The following CASK variants were observed in gnomAD, a reference collection of about 807,000 sequenced individuals.
CASK encodes peripheral plasma membrane protein CASK.
CASK carries 4 observed loss-of-function variants against 82.9 expected under a neutral mutation model. The ratio of observed to expected loss-of-function variants is 0.05; its 90% confidence interval spans 0.02 to 0.11. The LOEUF (loss-of-function observed/expected upper bound fraction) is 0.11. CASK is among the 10% of genes least tolerant of loss of function. CASK has a pLI of 1.00. For missense variants in CASK, 358 were observed against 720.9 expected (o/e 0.50, Z 5.76); for synonymous variants, 259 against 253.5 (o/e 1.02, Z -0.20).
chrX:41,871,049 G>T (rs1180035371), intron 1 of CASK, among the ~76,000 whole-genome samples: 2 of 111,883 alleles, frequency 1.8e-5, no homozygotes, highest in Admixed American at 9.5e-5. Context: ...AGGTTGTAGG[G>T]AAGAATCCAC....
intron 11 of CASK, among the ~76,000 whole-genome samples, chrX:41,612,276 C>T (rs1232116617): frequency 6.4e-5 from 7 of 109,603 alleles, no homozygotes; most frequent in Non-Finnish European, 1.3e-4. Flanking sequence ...CCTGGCCGCC[C>T]ATCGTCTGAG....
At chrX:41,536,736 C>G (rs773415634) in intron 22 of CASK, among the ~76,000 whole-genome samples, 5 of 111,813 alleles carry the variant, frequency 4.5e-5, no homozygotes, top group Non-Finnish European at 7.5e-5. Context: ...CTAGCAATAG[C>G]TAAAAACCAA....
intron 5 of CASK, among the ~76,000 whole-genome samples, chrX:41,707,929 C>T (rs1227110651): frequency 9.0e-6 from 1 of 110,807 alleles, no homozygotes; most frequent in East Asian, 2.8e-4. Flanking sequence ...ACCATCCTGG[C>T]CAATATGGTG....
intron 11 of CASK, among the ~76,000 whole-genome samples, chrX:41,610,733 C>T (rs2066031790): frequency 9.0e-6 from 1 of 111,557 alleles, no homozygotes; most frequent in South Asian, 3.8e-4. Flanking sequence ...AATGGAAGTG[C>T]CATCACTTTA....
At chrX:41,529,038 C>A (rs1054084543) in intron 25 of CASK, among the ~76,000 whole-genome samples, 2 of 112,498 alleles carry the variant, frequency 1.8e-5, no homozygotes, top group Admixed American at 1.9e-4. Flanking sequence ...AGGACCTGGG[C>A]AATCCCTATC....
intron 22 of CASK, among the ~76,000 whole-genome samples, chrX:41,538,625 G>A (rs2064907335): frequency 8.9e-6 from 1 of 111,894 alleles, no homozygotes. Flanking sequence ...ATACTGTCTA[G>A]CATAGTTTGC....
intron 1 of CASK, among the ~76,000 whole-genome samples, chrX:41,865,085 T>C (rs2071566936): frequency 8.9e-6 from 1 of 112,066 alleles, no homozygotes; most frequent in Non-Finnish European, 1.9e-5. Flanking sequence ...GGGGAATTTT[T>C]CAAGTTAGGT....
intron 12 of CASK, among the ~76,000 whole-genome samples, chrX:41,594,112 C>T (rs2065783688): frequency 9.0e-6 from 1 of 111,680 alleles, no homozygotes; most frequent in Admixed American, 9.5e-5. Context: ...AGCTAAAGCC[C>T]AAAGCTAAGG....
At chrX:41,675,962 T>C (rs1015155699) in intron 5 of CASK, 4 of 1,206,704 alleles carry the variant, frequency 3.3e-6, no homozygotes, top group East Asian at 5.9e-5. Flanking sequence ...AATCTCATAA[T>C]AGAACACAGA....
intron 16 of CASK, among the ~76,000 whole-genome samples, chrX:41,564,835 T>C (rs975757034): frequency 1.8e-5 from 2 of 111,470 alleles, no homozygotes; most frequent in African/African-American, 6.5e-5. Context: ...TAATTGGAAG[T>C]AAAGCACTCC....
intron 2 of CASK, among the ~76,000 whole-genome samples, chrX:41,808,524 G>A (rs1285891553): frequency 8.9e-6 from 1 of 112,303 alleles, no homozygotes; most frequent in Admixed American, 9.4e-5. Context: ...CTATTTGAAA[G>A]TAATATCATT....
intron 3 of CASK, among the ~76,000 whole-genome samples, chrX:41,762,896 T>C (rs767381122): frequency 9.0e-6 from 1 of 111,011 alleles, no homozygotes; most frequent in African/African-American, 3.3e-5. Context: ...ATATAGTCGA[T>C]TTGCCATCTA....
At chrX:41,862,616 G>A (rs1164003092) in intron 1 of CASK, among the ~76,000 whole-genome samples, 1 of 109,153 alleles carries the variant, frequency 9.2e-6, no homozygotes, top group African/African-American at 3.3e-5. Flanking sequence ...ATGAAAAACT[G>A]GAGGGTGAGA....
At chrX:41,790,021 C>G (rs1236575141) in intron 2 of CASK, among the ~76,000 whole-genome samples, 2 of 111,842 alleles carry the variant, frequency 1.8e-5, no homozygotes, top group Non-Finnish European at 3.8e-5. Flanking sequence ...CCTCCACCTC[C>G]CAGGTTCAAG....
chrX:41,520,828 G>A (rs976839976), intron 26 of CASK, among the ~76,000 whole-genome samples: 1 of 111,906 alleles, frequency 8.9e-6, no homozygotes, highest in Non-Finnish European at 1.9e-5. Context: ...CAAAGCAGAC[G>A]AACCAGAGAA....
intron 6 of CASK, among the ~76,000 whole-genome samples, chrX:41,666,681 T>C (rs1409376395): frequency 9.0e-6 from 1 of 111,084 alleles, no homozygotes; most frequent in East Asian, 2.8e-4. Flanking sequence ...TTTCCCTTCC[T>C]CCCCCCATAA....
chrX:41,546,351 C>T (rs1288464490), intron 21 of CASK, among the ~76,000 whole-genome samples: 1 of 112,086 alleles, frequency 8.9e-6, no homozygotes. Context: ...CTCAAGTGAT[C>T]CGCCTGCCTT....
chrX:41,749,083 G>A (rs1225480983), intron 3 of CASK, among the ~76,000 whole-genome samples: 1 of 110,450 alleles, frequency 9.1e-6, no homozygotes, highest in Non-Finnish European at 1.9e-5. Context: ...CCAGGAGTTC[G>A]CGACCAGCCT....
intron 3 of CASK, among the ~76,000 whole-genome samples, chrX:41,762,423 G>A (rs184339220): frequency 9.0e-6 from 1 of 111,617 alleles, no homozygotes; most frequent in Admixed American, 9.5e-5. Flanking sequence ...TTCTTCTCCT[G>A]GGGGCCAGAC....
Sources: gnomAD v4.1 joint callset for allele counts (sites outside exome capture counted in the v4.1 genomes callset) on GRCh38, gnomAD v4.1.1 for gene constraint, MANE v1.5 for transcripts, NCBI Gene and HGNC (gene_info 2026-07-23, HGNC 2026-07-21) for gene names.